Variants in MNAT1 observed in about 807,000 individuals in gnomAD.
MNAT1 encodes MNAT1 component of CDK activating kinase, also known as CDK-activating kinase assembly factor MAT1.
Under a neutral mutation model 42.0 loss-of-function variants are expected in MNAT1, and 43 were observed. That is an observed-to-expected ratio of 1.02 (90% CI 0.80 to 1.32). The LOEUF (loss-of-function observed/expected upper bound fraction) is 1.32, where lower values mean the gene tolerates loss of function less well. MNAT1 is among the 40% of genes most tolerant of loss of function. The probability of loss-of-function intolerance (pLI) is 0.00; values close to 1 mark genes in which losing one functional copy is unlikely to be tolerated. For synonymous variants in MNAT1, 118 were observed against 120.0 expected (o/e 0.98, Z 0.11); for missense variants, 306 against 350.4 (o/e 0.87, Z 1.01).
chr14:60,848,265 C>T (rs1458361114), intron 6 of MNAT1, among the ~76,000 whole-genome samples: 1 of 152,150 alleles, frequency 6.6e-6, no homozygotes, highest in Non-Finnish European at 1.5e-5. Context: ...GATGCTAAGT[C>T]AGCTGTTAGT....
intron 7 of MNAT1, among the ~76,000 whole-genome samples, chr14:60,911,033 T>C (rs188797387): frequency 6.6e-6 from 1 of 152,354 alleles, no homozygotes; most frequent in East Asian, 1.9e-4. Context: ...AGATTCAACT[T>C]CTTCCTGGTT....
intron 7 of MNAT1, among the ~76,000 whole-genome samples, chr14:60,962,995 T>C (rs2139623237): frequency 6.6e-6 from 1 of 152,322 alleles, no homozygotes; most frequent in Non-Finnish European, 1.5e-5. Context: ...TTTTTTGTTT[T>C]TTTTAAGATG....
At chr14:60,827,820 G>C (rs1201337389) in intron 6 of MNAT1, among the ~76,000 whole-genome samples, 2 of 152,082 alleles carry the variant, frequency 1.3e-5, no homozygotes, top group African/African-American at 2.4e-5. Context: ...AATTAACTAG[G>C]TGAGTATCAG....
intron 7 of MNAT1, among the ~76,000 whole-genome samples, chr14:60,917,418 C>G (rs1482448082): frequency 1.3e-5 from 2 of 152,018 alleles, no homozygotes; most frequent in East Asian, 3.9e-4. Flanking sequence ...GAAAATTTAA[C>G]AGATTTAAAT....
At chr14:60,858,415 T>TG (rs1157639014) in intron 6 of MNAT1, among the ~76,000 whole-genome samples, 1 of 150,248 alleles carries the variant, frequency 6.7e-6, no homozygotes, top group African/African-American at 2.4e-5. Flanking sequence ...CACTTTTTGA[T>TG]GGGGTTTTTT....
intron 1 of MNAT1, among the ~76,000 whole-genome samples, chr14:60,781,127 T>A (rs2031444764): frequency 6.6e-6 from 1 of 152,246 alleles, no homozygotes; most frequent in South Asian, 2.1e-4. Flanking sequence ...TTCCAATTAT[T>A]TGACTTTAAT....
At chr14:60,847,581 A>G (rs1408715063) in intron 6 of MNAT1, among the ~76,000 whole-genome samples, 1 of 151,940 alleles carries the variant, frequency 6.6e-6, no homozygotes, top group Non-Finnish European at 1.5e-5. Flanking sequence ...ATAGTGTTCA[A>G]GCTATTTACG....
intron 1 of MNAT1, among the ~76,000 whole-genome samples, chr14:60,769,811 TAGTTTTTAAAATG>T (rs2030983674): frequency 6.6e-6 from 1 of 152,232 alleles, no homozygotes; most frequent in African/African-American, 2.4e-5. Flanking sequence ...CATACATGGC[TAGTTTTTAAAATG>T]TGTTTTTAAA....
At chr14:60,830,403 A>G (rs1477264340) in intron 6 of MNAT1, among the ~76,000 whole-genome samples, 1 of 152,200 alleles carries the variant, frequency 6.6e-6, no homozygotes, top group African/African-American at 2.4e-5. Flanking sequence ...GATCTGTTGA[A>G]TAAGTTAAGG....
Position 60,963,936 on chromosome 14 carries a change from G to A in MNAT1, c.810-4293G>A, listed in dbSNP as rs763040894. Among the ~76,000 whole-genome samples, 34 of 152,238 alleles carry A rather than the reference G, an allele frequency of 2.2e-4. 2 individuals are homozygous for A. The Middle Eastern group carries it at 0.02, about 91-fold the overall frequency. On this transcript the variant is annotated intron_variant, in intron 7 of 7. Transcript: ENST00000261245. ...GGACAGGAAGAGTGCTTGCCTCTTG[G>A]TCTTGAGTGACAAGCCCTGCCCTCT...
At chr14:60,747,400 C>T (rs1336088818) in intron 1 of MNAT1, among the ~76,000 whole-genome samples, 1 of 152,128 alleles carries the variant, frequency 6.6e-6, no homozygotes, top group Admixed American at 6.5e-5. Context: ...CTATTATATA[C>T]CTAAGCTATA....
At chr14:60,908,795 G>A (rs183320586) in intron 7 of MNAT1, among the ~76,000 whole-genome samples, 87 of 152,320 alleles carry the variant, frequency 5.7e-4, no homozygotes, top group East Asian at 5.6e-3. Flanking sequence ...ATGAGCATGT[G>A]TCTTTATAGC....
At chr14:60,822,795 C>T (rs1027190596) in intron 6 of MNAT1, among the ~76,000 whole-genome samples, 2 of 151,486 alleles carry the variant, frequency 1.3e-5, no homozygotes, top group African/African-American at 4.9e-5. Context: ...CTTGGTCTGT[C>T]GACCAGGCTG....
intron 6 of MNAT1, among the ~76,000 whole-genome samples, chr14:60,868,376 A>G (rs558455633): frequency 7.2e-5 from 11 of 152,298 alleles, no homozygotes; most frequent in African/African-American, 2.6e-4. Flanking sequence ...TTCTTTGGAA[A>G]TAGTCACTAG....
intron 6 of MNAT1, among the ~76,000 whole-genome samples, chr14:60,820,560 G>A (rs1244922361): frequency 6.8e-6 from 1 of 146,796 alleles, no homozygotes; most frequent in Non-Finnish European, 1.5e-5. Context: ...TTCAGTTGCT[G>A]ACTATAGAAT....
intron 7 of MNAT1, among the ~76,000 whole-genome samples, chr14:60,964,936 T>G (rs1281095335): frequency 1.3e-5 from 2 of 152,222 alleles, no homozygotes; most frequent in Non-Finnish European, 2.9e-5. Context: ...ATTAAGATAC[T>G]TAAAAAATAA....
intron 7 of MNAT1, among the ~76,000 whole-genome samples, chr14:60,890,248 A>G (rs1594838892): frequency 6.6e-6 from 1 of 152,236 alleles, no homozygotes; most frequent in Non-Finnish European, 1.5e-5. Context: ...TGGCACATAT[A>G]CACCATGATT....
At chr14:60,936,804 G>A (rs1237239381) in intron 7 of MNAT1, among the ~76,000 whole-genome samples, 2 of 152,182 alleles carry the variant, frequency 1.3e-5, no homozygotes, top group African/African-American at 2.4e-5. Context: ...TTGCCACACC[G>A]ACTTCCACAG....
chr14:60,746,921 TATACACACACAC>T (rs1488766487), intron 1 of MNAT1, among the ~76,000 whole-genome samples: 2 of 41,608 alleles, frequency 4.8e-5, no homozygotes, highest in African/African-American at 2.3e-4. Context: ...TATATATATA[TATACACACACAC>T]ACACACACAC....
Sources: allele counts gnomAD v4.1 joint callset (sites outside exome capture counted in the v4.1 genomes callset), GRCh38; gene constraint gnomAD v4.1.1; transcripts MANE v1.5; gene names NCBI Gene and HGNC (gene_info 2026-07-23, HGNC 2026-07-21).